The following P2RY13 variants were observed in gnomAD, a reference collection of about 807,000 sequenced individuals.
The protein encoded by P2RY13 is purinergic receptor P2Y13.
For synonymous variants in P2RY13, 150 were observed against 155.1 expected (o/e 0.97, Z 0.24); for missense variants, 412 against 418.4 (o/e 0.98, Z 0.13).
Position 151,328,166 on chromosome 3 carries a change from A to G in P2RY13, c.890T>C (p.Ile297Thr), listed in dbSNP as rs760223474. The G allele has an allele frequency of 5.0e-6, 8 of 1,613,166 alleles. No individual in the cohort carries two copies. In the African/African-American group the frequency reaches 1.1e-4, roughly 22 times the overall value. The change falls in exon 2 of 2, where the codon ATT becomes ACT. Residue 297 changes from isoleucine to threonine, a missense_variant. Transcript: ENST00000325602. ...TDCRLQNQLF[I>T]AKETTLFLAA... ...CAAAAAGAGAGTTGTTTCTTTAGCA[A>G]TAAACAGTTGATTTTGCAGTCTACA...
rs1317917642 is a variant in P2RY13 at position 151,327,392 on chromosome 3, C to G, written c.*599G>C. On this transcript the variant is annotated 3_prime_UTR_variant, in exon 2 of 2. Coordinates refer to ENST00000325602, the MANE Select transcript of P2RY13 (RefSeq NM_176894.3). ...AAGTGGCTTAATAATGGTGCTTGTG[C>G]CTCCTATGGTATATTATTGTAATGT... is the stretch of plus-strand genomic sequence containing the variant. 23 of 152,120 alleles carry G rather than the reference C, an allele frequency of 1.5e-4. 1 individual carries two copies. The highest frequency in any genetic ancestry group is 1.5e-3 in the Admixed American group (23 of 15,264). 9.4% of individuals were successfully genotyped at this position (152,120 alleles called of 1,614,324 possible).
rs1749930125 is a variant in P2RY13, at chr3:151,328,477, CT to C, written c.578del (p.Lys193SerfsTer5). 1 of 1,613,894 alleles carries C rather than the reference CT, an allele frequency of 6.2e-7. No individual in the cohort carries two copies. ...CCAGAGGCCCCTTTAAGGAAGCACA[CT>C]TTTTCACAGACGATGGTGTTGCTTC... ...NKEATPSSVKKCASLKGPLGL... is the reference protein window; with the variant it reads ...NKEATPSSVKXCASLKGPLGL... On this transcript the variant is annotated frameshift_variant, in exon 2 of 2. Transcript: ENST00000325602. LOFTEE classifies it low-confidence loss of function (END_TRUNC).
rs764745405 is a variant in P2RY13 at position 151,328,995 on chromosome 3, C to G, written c.61G>C (p.Ala21Pro). 6.3e-7 allele frequency: 1 copy of G among 1,592,706 alleles called. No individual in the cohort carries two copies. Among genetic ancestry groups the G allele is most frequent in the Non-Finnish European group, 8.6e-7 (1 of 1,169,380 alleles). The change falls in exon 2 of 2, where the codon GCA becomes CCA. Residue 21 changes from alanine to proline, a missense_variant. Ala to Pro is a conservative substitution (Grantham distance 27). Coordinates refer to ENST00000325602, the MANE Select transcript of P2RY13 (RefSeq NM_176894.3). ...CCTTGCATCACTGTGGTGTTCATTG[C>G]TTCCAGTGTCACCTGTTACCAATAA... ...LSILPKVTLEAMNTTVMQGFN... is the reference protein window; with the variant it reads ...LSILPKVTLEPMNTTVMQGFN...
rs750882702 is a variant in P2RY13, at chr3:151,328,707, G to A, written c.349C>T (p.Arg117Cys). 6 of 1,613,818 alleles carry A rather than the reference G, an allele frequency of 3.7e-6. No homozygotes were observed. Among genetic ancestry groups the A allele is most frequent in the Admixed American group, 1.7e-5 (1 of 59,966 alleles). The change falls in exon 2 of 2, where the codon CGT becomes TGT. Residue 117 changes from arginine to cysteine, a missense_variant. By Grantham distance (180) the Arg-to-Cys change is radical (BLOSUM62 -3). Transcript: ENST00000325602. ...APWQLRAFVC[R>C]FSSVIFYETM... ...TCATAAAATATCACCGAAGAAAAAC[G>A]ACACACAAAAGCTCTGAGCTGCCAG...
chr3:151,326,612 T>A lies in P2RY13; in HGVS notation c.*1379A>T, dbSNP rs1749628415. 1 of 152,012 alleles carries A rather than the reference T, an allele frequency of 6.6e-6. No individual in the cohort carries two copies. Among genetic ancestry groups the A allele is most frequent in the Admixed American group, 6.6e-5 (1 of 15,262 alleles). 9.4% of individuals were successfully genotyped at this position (152,012 alleles called of 1,614,324 possible). A position where few individuals can be genotyped will look rare whatever the true frequency, so the allele number is the denominator to read the frequency against. On this transcript the variant is annotated 3_prime_UTR_variant, in exon 2 of 2. Coordinates refer to ENST00000325602, the MANE Select transcript of P2RY13 (RefSeq NM_176894.3). The stretch of plus-strand genomic sequence containing the variant: ...ATACATGTGTGGTGCCAAAACAGAG[T>A]ATGGCATTTTCTGAAAGTTAGAAAT...
Position 151,328,127 on chromosome 3 carries a change from A to AT in P2RY13, c.928dup (p.Ile310AsnfsTer13). ...TATGTATATTAAGGGATCCATACAA[A>AT]TGTTAGTTGCTGCCAAAAAGAGAGT... On this transcript the variant is annotated frameshift_variant, in exon 2 of 2. Coordinates refer to ENST00000325602, the MANE Select transcript of P2RY13 (RefSeq NM_176894.3). LOFTEE classifies it low-confidence loss of function (END_TRUNC). 6.2e-7 allele frequency: 1 copy of AT among 1,613,074 alleles called. No homozygotes were observed. Among genetic ancestry groups the AT allele is most frequent in the Non-Finnish European group, 8.5e-7 (1 of 1,179,644 alleles).
Position 151,329,015 on chromosome 3 carries a change from C to A in P2RY13, c.49-8G>T, listed in dbSNP as rs751524418. On this transcript the variant is annotated splice_region_variant and splice_polypyrimidine_tract_variant and intron_variant, in intron 1 of 1. Coordinates refer to ENST00000325602, the MANE Select transcript of P2RY13 (RefSeq NM_176894.3). Reference sequence around the variant, plus strand: ...CATTGCTTCCAGTGTCACCTGTTACCAATAAACATATATACAAACAAAAGA... The same window carrying A: ...CATTGCTTCCAGTGTCACCTGTTACAAATAAACATATATACAAACAAAAGA... The A allele has an allele frequency of 6.4e-7, 1 of 1,560,682 alleles. No homozygotes were observed. The highest frequency in any genetic ancestry group is 1.2e-5 in the South Asian group (1 of 84,312).
At chr3:151,329,093 A>T in intron 1 of P2RY13, 86 bp from the exon 2 acceptor site, 1 of 941,812 alleles carries the variant, frequency 1.1e-6, no homozygotes. Context: ...AACAGACTTT[A>T]TGTTTATAGC....
In P2RY13 at chr3:151,328,361, G is replaced by A. The variant is rs1158305647; in HGVS notation, c.695C>T (p.Ala232Val). Reference protein sequence around the residue: ...ILMLVFYVVIAKKVYDSYRKS... With the variant: ...ILMLVFYVVIVKKVYDSYRKS... ...TCTATAAGAATCATATACTTTTTTT[G>A]CAATAACCACATAAAACACAAGCAT... Residue 232 changes from alanine to valine, a missense_variant, in exon 2 of 2, where the codon GCA becomes GTA. By Grantham distance (64) the Ala-to-Val change is moderately conservative. Coordinates refer to ENST00000325602, the MANE Select transcript of P2RY13 (RefSeq NM_176894.3). 1.2e-6 allele frequency: 2 copies of A among 1,609,170 alleles called. No individual in the cohort carries two copies. Among genetic ancestry groups the A allele is most frequent in the Admixed American group, 1.7e-5 (1 of 58,730 alleles).
chr3:151,327,593 C>A lies in P2RY13; in HGVS notation c.*398G>T. 1 of 151,260 alleles carries A rather than the reference C, an allele frequency of 6.6e-6. No homozygotes were observed. Among genetic ancestry groups the A allele is most frequent in the Non-Finnish European group, 1.5e-5 (1 of 68,430 alleles). 9.4% of individuals were successfully genotyped at this position (151,260 alleles called of 1,614,324 possible). Reference sequence around the variant, plus strand: ...GTTTTTTTTTTCTTTCAGCACATATCTACATTTAAGGGGCACAAAAGCAGT... The same window carrying A: ...GTTTTTTTTTTCTTTCAGCACATATATACATTTAAGGGGCACAAAAGCAGT... On this transcript the variant is annotated 3_prime_UTR_variant, in exon 2 of 2. Coordinates refer to ENST00000325602, the MANE Select transcript of P2RY13 (RefSeq NM_176894.3).
chr3:151,326,980 C>T lies in P2RY13; in HGVS notation c.*1011G>A, dbSNP rs1356083817. ...GTTACTGATTGTGGGTCAGCAATTA[C>T]GTCTTTGTATGTATCGAGAATAGCA... On this transcript the variant is annotated 3_prime_UTR_variant, in exon 2 of 2. Transcript: ENST00000325602. The T allele has an allele frequency of 2.0e-5, 3 of 152,188 alleles. No homozygotes were observed. Among genetic ancestry groups the T allele is most frequent in the Non-Finnish European group, 2.9e-5 (2 of 68,032 alleles). The allele number at this position is 152,188 out of a possible 1,614,324, so 9.4% of individuals were successfully genotyped here. A position where few individuals can be genotyped will look rare whatever the true frequency, so the allele number is the denominator to read the frequency against.
rs1047191942 is a variant in P2RY13 at position 151,327,165 on chromosome 3, A to G, written c.*826T>C. Reference sequence around the variant, plus strand: ...AAGGGAGATCTGCATTGAGAACCCTATCACACACCCAAACAGTAGAAGTAT... The same window carrying G: ...AAGGGAGATCTGCATTGAGAACCCTGTCACACACCCAAACAGTAGAAGTAT... On this transcript the variant is annotated 3_prime_UTR_variant, in exon 2 of 2. Transcript: ENST00000325602. The G allele has an allele frequency of 6.6e-6, 1 of 152,192 alleles. No individual in the cohort carries two copies. Among genetic ancestry groups the G allele is most frequent in the Non-Finnish European group, 1.5e-5 (1 of 68,032 alleles). 9.4% of individuals were successfully genotyped at this position (152,192 alleles called of 1,614,324 possible). A position where few individuals can be genotyped will look rare whatever the true frequency, so the allele number is the denominator to read the frequency against.
In P2RY13 at chr3:151,326,981, G is replaced by A. The variant is rs532342069; in HGVS notation, c.*1010C>T. ...TTACTGATTGTGGGTCAGCAATTACGTCTTTGTATGTATCGAGAATAGCAA... is the reference window on the plus strand; with the variant it reads ...TTACTGATTGTGGGTCAGCAATTACATCTTTGTATGTATCGAGAATAGCAA... On this transcript the variant is annotated 3_prime_UTR_variant, in exon 2 of 2. Transcript: ENST00000325602. 30 of 152,286 alleles carry A rather than the reference G, an allele frequency of 2.0e-4. 1 individual carries two copies. The South Asian group carries it at 3.7e-3, about 19-fold the overall frequency. 9.4% of individuals were successfully genotyped at this position (152,286 alleles called of 1,614,324 possible). A position where few individuals can be genotyped will look rare whatever the true frequency, so the allele number is the denominator to read the frequency against.
rs781282890 is a variant in P2RY13 at position 151,328,937 on chromosome 3, G to A, written c.119C>T (p.Thr40Ile). ...TGGGAATACCAGCTGTACTATCCGA[G>A]TGTCTCTGGGGCACCGCTCAGATCT... ...FNRSERCPRD[T>I]RIVQLVFPAL... Residue 40 changes from threonine (T) to isoleucine (I), a missense_variant, in exon 2 of 2, where the codon ACT becomes ATT. Coordinates refer to ENST00000325602, the MANE Select transcript of P2RY13 (RefSeq NM_176894.3). The A allele has an allele frequency of 2.1e-5, 34 of 1,613,862 alleles. No individual in the cohort carries two copies. Among genetic ancestry groups the A allele is most frequent in the Non-Finnish European group, 2.9e-5 (34 of 1,179,772 alleles).
chr3:151,328,491 A>G lies in P2RY13; in HGVS notation c.565T>C (p.Ser189Pro). Reference sequence around the variant, plus strand: ...AAGGAAGCACACTTTTTCACAGACGATGGTGTTGCTTCCTTGTTGCTCAAG... The same window carrying G: ...AAGGAAGCACACTTTTTCACAGACGGTGGTGTTGCTTCCTTGTTGCTCAAG... ...TILSNKEATP[S>P]SVKKCASLKG... The change falls in exon 2 of 2, where the codon TCG (serine) becomes CCG (proline). Residue 189 changes from serine to proline, a missense_variant. Transcript: ENST00000325602. The G allele has an allele frequency of 6.2e-7, 1 of 1,614,016 alleles. No homozygotes were observed. Among genetic ancestry groups the G allele is most frequent in the Non-Finnish European group, 8.5e-7 (1 of 1,179,948 alleles).
At position 151,328,716 on chromosome 3, in the gene P2RY13, A is replaced by T. The variant is rs1326423321; in HGVS notation, c.340T>A (p.Phe114Ile). ...ATCACCGAAGAAAAACGACACACAA[A>T]AGCTCTGAGCTGCCAGGGTGCCAGG... ...SHLAPWQLRAFVCRFSSVIFY... is the reference protein window; with the variant it reads ...SHLAPWQLRAIVCRFSSVIFY... Residue 114 changes from phenylalanine to isoleucine, a missense_variant, in exon 2 of 2, where the codon TTT becomes ATT. Phe to Ile is a conservative substitution (Grantham distance 21, BLOSUM62 0). Transcript: ENST00000325602. 2 of 1,614,014 alleles carry T rather than the reference A, an allele frequency of 1.2e-6. No homozygotes were observed. Among genetic ancestry groups the T allele is most frequent in the African/African-American group, 2.7e-5 (2 of 75,018 alleles).
rs746749067 is a variant in P2RY13 at position 151,328,793 on chromosome 3, G to A, written c.263C>T (p.Ala88Val). Residue 88 changes from alanine (A) to valine (V), a missense_variant, in exon 2 of 2, where the codon GCC becomes GTC. Ala to Val is a moderately conservative substitution (Grantham distance 64, BLOSUM62 0). Transcript: ENST00000325602. ...AAGCATGAGTGTCATTATCAAGTCG[G>A]CCACCAAAGTGTTTTTGAGGTAGAT... is the stretch of plus-strand genomic sequence containing the variant. ...FIIYLKNTLV[A>V]DLIMTLMLPF... The A allele has an allele frequency of 4.3e-6, 7 of 1,613,906 alleles. No individual in the cohort carries two copies. In the South Asian group the frequency reaches 7.7e-5, roughly 18 times the overall value.
At chr3:151,329,104 A>G (rs1750051825) in intron 1 of P2RY13, 97 bp from the exon 2 acceptor site, 1 of 810,098 alleles carries the variant, frequency 1.2e-6, no homozygotes, top group Non-Finnish European at 1.9e-6. Flanking sequence ...TGTTTATAGC[A>G]TATTAACATC....
Position 151,327,754 on chromosome 3 carries a change from GAA to G in P2RY13, c.*235_*236del, listed in dbSNP as rs896145812. 9.5e-6 allele frequency: 3 copies of G among 314,170 alleles called. No individual in the cohort carries two copies. The highest frequency in any genetic ancestry group is 1.1e-5 in the Non-Finnish European group (2 of 175,396). The allele number at this position is 314,170 out of a possible 1,614,324, so 19.5% of individuals were successfully genotyped here. The stretch of plus-strand genomic sequence containing the variant: ...GAAATTAAAAAAAAAAAAAAAGAAA[GAA>G]AGAAATAATGACCTCTAGTGGCCAT... On this transcript the variant is annotated 3_prime_UTR_variant, in exon 2 of 2. Transcript: ENST00000325602.
Sources: allele counts gnomAD v4.1 joint callset, GRCh38; gene constraint gnomAD v4.1.1; transcripts MANE v1.5; gene names NCBI Gene and HGNC (gene_info 2026-07-23, HGNC 2026-07-21).